Variants in NUFIP1 observed in about 807,000 individuals in gnomAD.
NUFIP1 encodes the protein nuclear FMR1 interacting protein 1.
A neutral mutation model predicts 56.2 loss-of-function variants in NUFIP1; 38 were observed. The ratio of observed to expected loss-of-function variants is 0.68; its 90% CI spans 0.52 to 0.89. The LOEUF is 0.89. Among genes scored for constraint, NUFIP1 ranks in the 40% least tolerant of loss-of-function variants. NUFIP1 has a pLI of 0.00. For synonymous variants in NUFIP1, 215 were observed against 212.4 expected, an observed-to-expected ratio of 1.01 and a Z score of -0.10; for missense variants, 567 against 605.8, an observed-to-expected ratio of 0.94 and a Z score of 0.67.
intron 8 of NUFIP1, among the ~76,000 whole-genome samples, chr13:44,947,797 G>A (rs1228979770): frequency 6.6e-6 from 1 of 152,120 alleles, no homozygotes; most frequent in Non-Finnish European, 1.5e-5. Flanking sequence ...TGTAATATGT[G>A]TTTAAAGAAT....
At chr13:44,986,991 A>AT (rs1163793478) in intron 1 of NUFIP1, among the ~76,000 whole-genome samples, 1 of 151,754 alleles carries the variant, frequency 6.6e-6, no homozygotes, top group Non-Finnish European at 1.5e-5. Flanking sequence ...GGCTAATTTT[A>AT]TTTTTTTTGT....
intron 8 of NUFIP1, among the ~76,000 whole-genome samples, chr13:44,946,967 G>A (rs1407598077): frequency 2.0e-5 from 3 of 152,166 alleles, no homozygotes; most frequent in Non-Finnish European, 4.4e-5. Context: ...TTAAGACTTA[G>A]GAATGTGAAG....
Position 44,958,926 on chromosome 13 carries a change from G to A in NUFIP1, c.1021+455C>T, listed in dbSNP as rs1179304516. ...CATATATAAATATAATCTATGCTCTGAAGAACAGTACTGATCAAACATAAT... is the reference window on the plus strand; with the variant it reads ...CATATATAAATATAATCTATGCTCTAAAGAACAGTACTGATCAAACATAAT... On this transcript the variant is annotated intron_variant, in intron 7 of 9. Transcript: ENST00000379161. Among the ~76,000 whole-genome samples, 12 of 152,162 alleles carry A rather than the reference G, an allele frequency of 7.9e-5. No homozygotes were observed. The South Asian group carries it at 2.5e-3, about 32-fold the overall frequency.
At position 44,959,520 on chromosome 13, in the gene NUFIP1, G is replaced by C; in HGVS notation, c.882C>G (p.Gly294=). The part of the protein sequence containing the change: ...HSQMAKIRSP[G]KNHKWKNDNS... Reference sequence around the variant, plus strand: ...TGTCGTTTTTCCATTTGTGATTCTTGCCAGGACTTCTGATCTTTGCCATTT... The same window carrying C: ...TGTCGTTTTTCCATTTGTGATTCTTCCCAGGACTTCTGATCTTTGCCATTT... Residue 294 remains glycine (G), a synonymous_variant, in exon 7 of 10, where the codon GGC becomes GGG. Transcript: ENST00000379161. 1 of 1,613,898 alleles carries C rather than the reference G, an allele frequency of 6.2e-7. No homozygotes were observed. Among genetic ancestry groups the C allele is most frequent in the African/African-American group, 1.3e-5 (1 of 75,004 alleles).
rs993179364 is a variant in NUFIP1 at position 44,940,322 on chromosome 13, T to C, written c.*884A>G. The stretch of plus-strand genomic sequence containing the variant: ...GATTCTGGAGAGGATTTTACCAACA[T>C]GGAGGAGCTATCAGCTTTCTTACCT... On this transcript the variant is annotated 3_prime_UTR_variant, in exon 10 of 10. Transcript: ENST00000379161. 2.6e-5 allele frequency: 4 copies of C among 152,224 alleles called. No individual in the cohort carries two copies. Among genetic ancestry groups the C allele is most frequent in the African/African-American group, 7.2e-5 (3 of 41,462 alleles). The allele number at this position is 152,224 out of a possible 1,614,324, so 9.4% of individuals were successfully genotyped here.
intron 1 of NUFIP1, among the ~76,000 whole-genome samples, chr13:44,986,327 T>C (rs1386868695): frequency 2.0e-5 from 3 of 152,110 alleles, no homozygotes; most frequent in Non-Finnish European, 4.4e-5. Context: ...TCATAGACGA[T>C]TTTGAGGAAT....
intron 7 of NUFIP1, 65 bp from the exon 8 acceptor site, chr13:44,949,903 C>A: frequency 1.0e-6 from 1 of 967,018 alleles, no homozygotes; most frequent in South Asian, 1.3e-5. Context: ...ATCCCCCATT[C>A]CCTCATTTGT....
chr13:44,948,141 CT>C lies in NUFIP1; in HGVS notation c.1138+1580del, dbSNP rs61398364. ...TGCCATCTCCATCAAACTACATTTC[CT>C]TTTTTTTTTTTTTTTTTTTTGAGCC... On this transcript the variant is annotated intron_variant, in intron 8 of 9. Transcript: ENST00000379161. 2.7e-3 allele frequency among the ~76,000 whole-genome samples: 328 copies of C among 120,822 alleles called. 1 individual carries two copies. Among genetic ancestry groups the C allele is most frequent in the East Asian group, 0.024 (104 of 4,334 alleles). 79.3% of individuals were successfully genotyped at this position (120,822 alleles called of 152,430 possible). A position where few individuals can be genotyped will look rare whatever the true frequency, so the allele number is the denominator to read the frequency against.
chr13:44,946,434 G>A (rs1870904093), intron 8 of NUFIP1, among the ~76,000 whole-genome samples: 1 of 152,136 alleles, frequency 6.6e-6, no homozygotes, highest in Non-Finnish European at 1.5e-5. Context: ...TTGGGGAGTT[G>A]TAAAACTGTG....
chr13:44,949,197 G>A lies in NUFIP1; in HGVS notation c.1138+525C>T, dbSNP rs1321923760. Among the ~76,000 whole-genome samples, 6 of 81,996 alleles carry A rather than the reference G, an allele frequency of 7.3e-5. No individual in the cohort carries two copies. The East Asian group carries it at 2.2e-3, about 31-fold the overall frequency. The allele number at this position is 81,996 out of a possible 152,430, so 53.8% of individuals were successfully genotyped here. A position where few individuals can be genotyped will look rare whatever the true frequency, so the allele number is the denominator to read the frequency against. On this transcript the variant is annotated intron_variant, in intron 8 of 9. Coordinates refer to ENST00000379161, the MANE Select transcript of NUFIP1 (RefSeq NM_012345.3). Reference sequence around the variant, plus strand: ...TTCCTTCCTATTCTTTCATTATATTGTATTTTTTTTTTTTTTTTTTTTGAG... The same window carrying A: ...TTCCTTCCTATTCTTTCATTATATTATATTTTTTTTTTTTTTTTTTTTGAG...
At chr13:44,979,102 C>A in intron 5 of NUFIP1, 88 bp downstream of exon 5, 1 of 1,059,862 alleles carries the variant, frequency 9.4e-7, no homozygotes, top group South Asian at 1.5e-5. Context: ...CTAGTTCCAA[C>A]ATTCTAAGGG....
chr13:44,986,205 A>G (rs1349585074), intron 1 of NUFIP1, among the ~76,000 whole-genome samples: 2 of 152,220 alleles, frequency 1.3e-5, no homozygotes, highest in Non-Finnish European at 2.9e-5. Flanking sequence ...AAAACCTTCT[A>G]GAAAGGAGGT....
chr13:44,962,042 T>C (rs556446642), intron 6 of NUFIP1, among the ~76,000 whole-genome samples: 2 of 152,120 alleles, frequency 1.3e-5, no homozygotes, highest in African/African-American at 4.8e-5. Context: ...ACAAAAGGCA[T>C]AATGTAAATA....
chr13:44,984,998 T>C (rs531573120), intron 1 of NUFIP1, among the ~76,000 whole-genome samples: 209 of 152,340 alleles, frequency 1.4e-3, no homozygotes, highest in Non-Finnish European at 2.2e-3. Context: ...CTGAGAATGA[T>C]GACTTCCAAT....
At chr13:44,967,850 G>A (rs1333028296) in intron 5 of NUFIP1, among the ~76,000 whole-genome samples, 1 of 152,054 alleles carries the variant, frequency 6.6e-6, no homozygotes. Flanking sequence ...ATAGAAGGAA[G>A]GGAACACAGC....
At chr13:44,965,672 C>A (rs375993821) in intron 6 of NUFIP1, among the ~76,000 whole-genome samples, 172 bp downstream of exon 6, 1 of 151,920 alleles carries the variant, frequency 6.6e-6, no homozygotes, top group East Asian at 1.9e-4. Flanking sequence ...CCAGCCTGGG[C>A]AACAGAGCGA....
At chr13:44,966,277 T>C (rs576736790) in intron 5 of NUFIP1, among the ~76,000 whole-genome samples, 2 of 152,258 alleles carry the variant, frequency 1.3e-5, no homozygotes, top group South Asian at 4.2e-4. Flanking sequence ...TTTAAGTCTA[T>C]TCAATTTATT....
chr13:44,940,672 G>A lies in NUFIP1; in HGVS notation c.*534C>T, dbSNP rs1376988429. The A allele has an allele frequency of 1.3e-5, 2 of 152,178 alleles. No individual in the cohort carries two copies. The highest frequency in any genetic ancestry group is 2.9e-5 in the Non-Finnish European group (2 of 68,034). The allele number at this position is 152,178 out of a possible 1,614,324, so 9.4% of individuals were successfully genotyped here. A position where few individuals can be genotyped will look rare whatever the true frequency, so the allele number is the denominator to read the frequency against. The stretch of plus-strand genomic sequence containing the variant: ...ATTCAATATTTGAGCTATGTAAGTC[G>A]TGCTAGTAGGTGAATTTAAACATGT... On this transcript the variant is annotated 3_prime_UTR_variant, in exon 10 of 10. Transcript: ENST00000379161.
rs1217007500 is a variant in NUFIP1, at chr13:44,989,305, C to T, written c.132G>A (p.Pro44=). The T allele has an allele frequency of 1.9e-6, 3 of 1,613,082 alleles. No homozygotes were observed. The highest frequency in any genetic ancestry group is 1.3e-5 in the African/African-American group (1 of 75,026). Residue 44 remains proline (P), a synonymous_variant, in exon 1 of 10, where the codon CCG becomes CCA. Transcript: ENST00000379161. ...RDSWMFWAML[P]PPPPPLTSSL... The stretch of plus-strand genomic sequence containing the variant: ...AGGACGTAAGTGGTGGTGGCGGTGG[C>T]GGCAGCATTGCCCAGAACATCCAGC...
Sources: allele counts gnomAD v4.1 joint callset (sites outside exome capture counted in the v4.1 genomes callset), GRCh38; gene constraint gnomAD v4.1.1; transcripts MANE v1.5; gene names NCBI Gene and HGNC (gene_info 2026-07-23, HGNC 2026-07-21).